WWP1: variants seen among roughly 807,000 people sequenced by gnomAD.
The protein encoded by WWP1 is WW domain containing E3 ubiquitin protein ligase 1.
Under a neutral mutation model 130.6 loss-of-function variants are expected in WWP1, and 49 were observed. The ratio of observed to expected loss-of-function variants is 0.38; its 90% CI spans 0.30 to 0.48. The LOEUF (loss-of-function observed/expected upper bound fraction) is 0.48. Among genes scored for constraint, WWP1 ranks in the 20% least tolerant of loss-of-function variants. The pLI, the probability that WWP1 is intolerant of heterozygous loss-of-function variation, is 0.99. For missense variants in WWP1, 809 were observed against 1,100.6 expected, an observed-to-expected ratio of 0.74 and a Z score of 3.75; for synonymous variants, 332 against 367.8, an observed-to-expected ratio of 0.90 and a Z score of 1.11.
chr8:86,440,801 A>G (rs10092164), intron 17 of WWP1: 228,814 of 382,316 alleles, frequency 0.6, 69,926 homozygotes, highest in African/African-American at 0.76. Context: ...TTATCTTTGC[A>G]CTTTTCCATT....
At chr8:86,393,162 AT>A (rs1160164789) in intron 5 of WWP1, among the ~76,000 whole-genome samples, 1 of 151,330 alleles carries the variant, frequency 6.6e-6, no homozygotes, top group Non-Finnish European at 1.5e-5. Context: ...AAGAGCTCTT[AT>A]TTTTTTCTCT....
At chr8:86,465,133 G>C (rs1435422641) in intron 24 of WWP1, among the ~76,000 whole-genome samples, 1 of 152,084 alleles carries the variant, frequency 6.6e-6, no homozygotes, top group Non-Finnish European at 1.5e-5. Context: ...ATTCATTAGA[G>C]GAACACGGCT....
At chr8:86,447,960 A>G (rs915251840) in intron 18 of WWP1, among the ~76,000 whole-genome samples, 188 bp from the exon 19 acceptor site, 1 of 152,288 alleles carries the variant, frequency 6.6e-6, no homozygotes, top group South Asian at 2.1e-4. Context: ...GTGTTATAAA[A>G]TAGATTGTTT....
intron 5 of WWP1, among the ~76,000 whole-genome samples, chr8:86,396,794 C>G (rs1256250543): frequency 6.6e-6 from 1 of 151,994 alleles, no homozygotes; most frequent in Non-Finnish European, 1.5e-5. Flanking sequence ...GAGACAGCGT[C>G]TTGCTATGTT....
intron 8 of WWP1, among the ~76,000 whole-genome samples, chr8:86,407,870 T>C (rs2130542189): frequency 1.3e-5 from 2 of 152,266 alleles, no homozygotes; most frequent in Middle Eastern, 3.4e-3. Flanking sequence ...TTGTTACAAT[T>C]AATGAACCAT....
chr8:86,383,826 A>G (rs947817649), intron 5 of WWP1, among the ~76,000 whole-genome samples: 2 of 152,220 alleles, frequency 1.3e-5, no homozygotes, highest in Admixed American at 1.3e-4. Context: ...AATAAAATTT[A>G]ATAAACACTC....
At chr8:86,401,456 A>C (rs1445282735) in intron 7 of WWP1, among the ~76,000 whole-genome samples, 2 of 151,734 alleles carry the variant, frequency 1.3e-5, no homozygotes, top group East Asian at 3.9e-4. Context: ...GCTGATCAAG[A>C]GGCTGAGGCA....
intron 3 of WWP1, among the ~76,000 whole-genome samples, chr8:86,379,241 A>G (rs1039457074): frequency 3.9e-5 from 6 of 152,186 alleles, no homozygotes; most frequent in African/African-American, 1.4e-4. Context: ...GGAACGATGA[A>G]GGATGGAAAT....
At chr8:86,377,123 T>C (rs1408549605) in intron 3 of WWP1, among the ~76,000 whole-genome samples, 1 of 152,158 alleles carries the variant, frequency 6.6e-6, no homozygotes, top group Non-Finnish European at 1.5e-5. Flanking sequence ...TCTTGCTCTG[T>C]TGCCCAGGCT....
chr8:86,383,391 A>G lies in WWP1; in HGVS notation c.334+1762A>G, dbSNP rs180938504. Among the ~76,000 whole-genome samples, 44 of 152,348 alleles carry G rather than the reference A, an allele frequency of 2.9e-4. No homozygotes were observed. The East Asian group carries it at 5.8e-3, about 20-fold the overall frequency. On this transcript the variant is annotated intron_variant, in intron 5 of 24. Transcript: ENST00000517970. ...CCACTTATCTGCCAAATGATCTTCTAGGAAGGTTGTAATGTCAATACACTT... is the reference window on the plus strand; with the variant it reads ...CCACTTATCTGCCAAATGATCTTCTGGGAAGGTTGTAATGTCAATACACTT...
Position 86,359,608 on chromosome 8 carries a change from T to C in WWP1, c.-114-9331T>C, listed in dbSNP as rs184657428. ...TTTCAAAGATAAGCATTCTTTTCTC[T>C]TCCAAATCTCAGAGTAAGAGCGGTT... On this transcript the variant is annotated intron_variant, in intron 1 of 24. Transcript: ENST00000517970. Among the ~76,000 whole-genome samples, 1,396 of 152,248 alleles carry C rather than the reference T, an allele frequency of 9.2e-3. 14 individuals carry two copies. The highest frequency in any genetic ancestry group is 0.016 in the Non-Finnish European group (1,079 of 68,024).
chr8:86,349,458 A>T (rs182289689), intron 1 of WWP1, among the ~76,000 whole-genome samples: 19 of 152,224 alleles, frequency 1.2e-4, no homozygotes, highest in Non-Finnish European at 2.4e-4. Flanking sequence ...CCACCCATGT[A>T]ACAGATTACC....
chr8:86,392,728 A>C (rs1247488295), intron 5 of WWP1, among the ~76,000 whole-genome samples: 1 of 152,076 alleles, frequency 6.6e-6, no homozygotes, highest in Non-Finnish European at 1.5e-5. Flanking sequence ...TTAGTTTACT[A>C]AGACAAATTT....
rs115251308 is a variant in WWP1, at chr8:86,421,851, A to G, written c.1062-3372A>G. On this transcript the variant is annotated intron_variant, in intron 9 of 24. Coordinates refer to ENST00000517970, the MANE Select transcript of WWP1 (RefSeq NM_007013.4). ...AAAAAAAAATTTTTTTTGAAAATAT[A>G]AATTTACCATATTAACAAATAATCG... Among the ~76,000 whole-genome samples the G allele has an allele frequency of 2.9e-3, 443 of 152,236 alleles. 1 individual carries two copies. The highest frequency in any genetic ancestry group is 9.7e-3 in the African/African-American group (405 of 41,544).
At chr8:86,409,221 TC>T (rs1808444284) in intron 8 of WWP1, among the ~76,000 whole-genome samples, 1 of 145,012 alleles carries the variant, frequency 6.9e-6, no homozygotes, top group Non-Finnish European at 1.5e-5. Flanking sequence ...TTTTTCTTTT[TC>T]TTTCTTTTTT....
intron 16 of WWP1, among the ~76,000 whole-genome samples, chr8:86,435,956 C>T (rs1401351832): frequency 1.3e-5 from 2 of 152,152 alleles, no homozygotes; most frequent in East Asian, 1.9e-4. Context: ...ACCTCGGCCT[C>T]GTAAAATGCT....
intron 18 of WWP1, among the ~76,000 whole-genome samples, chr8:86,446,340 G>T (rs532711176): frequency 7.9e-5 from 12 of 151,116 alleles, no homozygotes; most frequent in East Asian, 5.8e-4. Flanking sequence ...TTTTTAATGG[G>T]TTTTTTTTTC....
chr8:86,448,585 A>T, intron 20 of WWP1, 72 bp downstream of exon 20: 2 of 1,404,402 alleles, frequency 1.4e-6, no homozygotes, highest in Non-Finnish European at 1.9e-6. Context: ...TGTACCCTTA[A>T]TTTCATCCCC....
chr8:86,461,728 A>C, intron 23 of WWP1, 46 bp from the exon 24 acceptor site: 2 of 1,506,204 alleles, frequency 1.3e-6, no homozygotes, highest in Non-Finnish European at 9.2e-7. Context: ...TCAGAAGAAA[A>C]AAGTTTAAAG....
Sources: allele counts gnomAD v4.1 joint callset (sites outside exome capture counted in the v4.1 genomes callset), GRCh38; gene constraint gnomAD v4.1.1; transcripts MANE v1.5; gene names NCBI Gene and HGNC (gene_info 2026-07-23, HGNC 2026-07-21).